The following WWOX variants were observed in gnomAD, a reference collection of about 807,000 sequenced individuals.
WWOX encodes the protein WW domain containing oxidoreductase, also known as WW domain-containing oxidoreductase.
Under a neutral mutation model 46.2 loss-of-function variants are expected in WWOX, and 69 were observed. The observed-to-expected ratio is 1.49, with a 90% CI of 1.23 to 1.82. WWOX has a LOEUF of 1.82. Among genes scored for constraint, WWOX ranks in the 40% most tolerant of loss-of-function variants. WWOX has a pLI of 0.00. For synonymous variants in WWOX, 359 were observed against 202.6 expected (o/e 1.77, Z -6.56); for missense variants, 919 against 542.6 (o/e 1.69, Z -6.89).
At chr16:79,085,172 G>A (rs13339155) in intron 8 of WWOX, among the ~76,000 whole-genome samples, 88,054 of 152,034 alleles carry the variant, frequency 0.58, 26,296 homozygotes, top group African/African-American at 0.73. Context: ...AAAAACACGG[G>A]AGTACCATTT....
At chr16:79,049,347 C>A (rs1049863608) in intron 8 of WWOX, among the ~76,000 whole-genome samples, 1 of 152,170 alleles carries the variant, frequency 6.6e-6, no homozygotes, top group African/African-American at 2.4e-5. Flanking sequence ...CTGGGGCAAA[C>A]ACAGGGGATT....
At chr16:78,364,352 A>T (rs1243372574) in intron 5 of WWOX, among the ~76,000 whole-genome samples, 1 of 152,216 alleles carries the variant, frequency 6.6e-6, no homozygotes, top group Non-Finnish European at 1.5e-5. Context: ...GTATCTAATT[A>T]CAAGGCATTG....
chr16:78,596,839 C>T (rs556615217), intron 8 of WWOX, among the ~76,000 whole-genome samples: 41 of 152,204 alleles, frequency 2.7e-4, no homozygotes, highest in African/African-American at 7.9e-4. Flanking sequence ...GTGATCTCAG[C>T]AGTGATGGGG....
At chr16:79,011,115 A>G (rs1291169149) in intron 8 of WWOX, among the ~76,000 whole-genome samples, 1 of 148,414 alleles carries the variant, frequency 6.7e-6, no homozygotes, top group Admixed American at 6.8e-5. Flanking sequence ...GTATGGTTAC[A>G]TATCTACTCA....
At chr16:79,119,008 A>T (rs2049574163) in intron 8 of WWOX, among the ~76,000 whole-genome samples, 1 of 152,226 alleles carries the variant, frequency 6.6e-6, no homozygotes, top group South Asian at 2.1e-4. Context: ...CAGTTTCTAT[A>T]GTTCCCATTA....
chr16:78,152,426 G>T (rs76730723), intron 4 of WWOX, among the ~76,000 whole-genome samples: 8,047 of 152,132 alleles, frequency 0.053, 411 homozygotes, highest in East Asian at 0.3. Flanking sequence ...GTTGTGGCTG[G>T]GTCAAAGAGC....
chr16:78,319,427 C>G (rs1032108005), intron 5 of WWOX, among the ~76,000 whole-genome samples: 12 of 151,986 alleles, frequency 7.9e-5, no homozygotes, highest in African/African-American at 2.4e-4. Context: ...GCCCGGCTAA[C>G]TTTTTTGTAT....
intron 8 of WWOX, among the ~76,000 whole-genome samples, chr16:79,083,962 A>T (rs2048808382): frequency 6.6e-6 from 1 of 151,936 alleles, no homozygotes; most frequent in South Asian, 2.1e-4. Context: ...AGAATTTCTG[A>T]CTCCCGATCG....
chr16:79,002,541 T>C (rs2047114588), intron 8 of WWOX, among the ~76,000 whole-genome samples: 3 of 152,280 alleles, frequency 2.0e-5, no homozygotes, highest in South Asian at 2.1e-4. Context: ...TTTATTTTGC[T>C]AAACCTGATG....
chr16:79,072,524 A>C (rs925118030), intron 8 of WWOX, among the ~76,000 whole-genome samples: 1 of 152,242 alleles, frequency 6.6e-6, no homozygotes, highest in Non-Finnish European at 1.5e-5. Flanking sequence ...CCATTCATCT[A>C]GATCTCATTA....
At chr16:78,366,702 G>C (rs941095144) in intron 5 of WWOX, among the ~76,000 whole-genome samples, 1 of 152,136 alleles carries the variant, frequency 6.6e-6, no homozygotes. Context: ...GGAGATACTT[G>C]AAAAATCTAA....
In WWOX at chr16:78,501,948, G is replaced by A. The variant is rs577608848; in HGVS notation, c.1056+69196G>A. On this transcript the variant is annotated intron_variant, in intron 8 of 8. Coordinates refer to ENST00000566780, the MANE Select transcript of WWOX (RefSeq NM_016373.4). ...TCCCACCTGCCCATCGTCAGATTTC[G>A]GTTCCTCTCAGAGTTAACGTAGAAG... Among the ~76,000 whole-genome samples, 15 of 152,240 alleles carry A rather than the reference G, an allele frequency of 9.9e-5. No individual in the cohort carries two copies. In the South Asian group the frequency reaches 2.5e-3, roughly 25 times the overall value.
In WWOX at chr16:78,099,996, G is replaced by C. The variant is rs896923078; in HGVS notation, c.107+111G>C. On this transcript the variant is annotated intron_variant, in intron 1 of 8. Coordinates refer to ENST00000566780, the MANE Select transcript of WWOX (RefSeq NM_016373.4). ...CAGCGCAGCGCGTGCGGTGCAAAGT[G>C]AAAGTAACTGTTAAGGAGCTTCAGG... 6.5e-5 allele frequency: 98 copies of C among 1,508,322 alleles called. 1 individual carries two copies. In the South Asian group the frequency reaches 1.1e-3, roughly 16 times the overall value. The allele number at this position is 1,508,322 out of a possible 1,614,324, so 93.4% of individuals were successfully genotyped here. A position where few individuals can be genotyped will look rare whatever the true frequency, so the allele number is the denominator to read the frequency against.
chr16:79,181,135 G>C (rs1157284627), intron 8 of WWOX, among the ~76,000 whole-genome samples: 1 of 152,186 alleles, frequency 6.6e-6, no homozygotes, highest in Non-Finnish European at 1.5e-5. Context: ...GACCTTCTGT[G>C]ACCGTGCAAA....
intron 8 of WWOX, among the ~76,000 whole-genome samples, chr16:78,643,150 G>A (rs914213882): frequency 1.3e-5 from 2 of 152,130 alleles, no homozygotes; most frequent in African/African-American, 4.8e-5. Flanking sequence ...GACCCAAGAG[G>A]ATCCGACAGC....
intron 5 of WWOX, among the ~76,000 whole-genome samples, chr16:78,337,741 A>AAAGCGGTATTGCATTGTGATTTTGATT (rs1567510463): frequency 2.4e-5 from 3 of 124,500 alleles, no homozygotes; most frequent in East Asian, 1.9e-4. Flanking sequence ...AGTGCTCAGA[A>AAAGCGGTATTGCATTGTGATTTTGATT]TGAAATATCC....
chr16:78,126,015 A>G (rs927040826), intron 4 of WWOX, among the ~76,000 whole-genome samples: 1 of 152,178 alleles, frequency 6.6e-6, no homozygotes, highest in East Asian at 1.9e-4. Context: ...AATATTTAGC[A>G]TGTATGATTG....
At chr16:78,228,814 C>G (rs1478822599) in intron 5 of WWOX, among the ~76,000 whole-genome samples, 1 of 152,212 alleles carries the variant, frequency 6.6e-6, no homozygotes, top group African/African-American at 2.4e-5. Flanking sequence ...ACCACTCTCT[C>G]CTTCCTGGAG....
At chr16:78,467,847 G>C (rs900414483) in intron 8 of WWOX, among the ~76,000 whole-genome samples, 1 of 152,180 alleles carries the variant, frequency 6.6e-6, no homozygotes, top group Non-Finnish European at 1.5e-5. Context: ...CATATTGGAA[G>C]ATTTTAGGTG....
Sources: gnomAD v4.1 joint callset for allele counts (sites outside exome capture counted in the v4.1 genomes callset) on GRCh38, gnomAD v4.1.1 for gene constraint, MANE v1.5 for transcripts, NCBI Gene and HGNC (gene_info 2026-07-23, HGNC 2026-07-21) for gene names.